Variants in NRG1 observed in about 807,000 individuals in gnomAD.
The protein encoded by NRG1 is neuregulin 1, also known as pro-neuregulin-1, membrane-bound isoform.
In NRG1, 18 loss-of-function variants were observed where a neutral mutation model predicts 63.8. The ratio of observed to expected loss-of-function variants is 0.28; its 90% CI spans 0.19 to 0.42. NRG1 has a LOEUF of 0.42. NRG1 is among the 10% of genes least tolerant of loss of function. The probability of loss-of-function intolerance (pLI) is 1.00; values close to 1 mark genes in which losing one functional copy is unlikely to be tolerated. For missense variants in NRG1, 762 were observed against 814.7 expected, an observed-to-expected ratio of 0.94 and a Z score of 0.79; for synonymous variants, 302 against 301.3, an observed-to-expected ratio of 1.00 and a Z score of -0.02.
chr8:32,061,092 A>T (rs1449834956), intron 1 of NRG1, among the ~76,000 whole-genome samples: 1 of 151,952 alleles, frequency 6.6e-6, no homozygotes, highest in African/African-American at 2.4e-5. Context: ...TTTATATATA[A>T]TTAAGTTTTG....
intron 1 of NRG1, among the ~76,000 whole-genome samples, chr8:32,098,194 G>T (rs1201848647): frequency 2.0e-5 from 3 of 152,192 alleles, no homozygotes; most frequent in African/African-American, 7.2e-5. Context: ...TTAAAGAGAA[G>T]AAAGAAGAAC....
intron 1 of NRG1, among the ~76,000 whole-genome samples, chr8:32,431,710 G>A (rs115665059): frequency 0.015 from 2,290 of 151,504 alleles, 50 homozygotes; most frequent in African/African-American, 0.053. Context: ...ATTTAGTTGT[G>A]TATTGATAGT....
At chr8:31,875,285 G>T (rs143228871) in intron 1 of NRG1, among the ~76,000 whole-genome samples, 1 of 152,174 alleles carries the variant, frequency 6.6e-6, no homozygotes, top group Non-Finnish European at 1.5e-5. Flanking sequence ...TCTCCGAATT[G>T]AGTTCATTAA....
intron 5 of NRG1, among the ~76,000 whole-genome samples, chr8:32,632,296 T>C (rs1462372776): frequency 6.6e-6 from 1 of 152,174 alleles, no homozygotes; most frequent in African/African-American, 2.4e-5. Context: ...CTCACACCTG[T>C]AATCCCAGCA....
intron 1 of NRG1, among the ~76,000 whole-genome samples, chr8:32,027,898 G>T (rs986024584): frequency 2.0e-5 from 3 of 152,024 alleles, no homozygotes; most frequent in African/African-American, 7.2e-5. Flanking sequence ...TTTCATTCCG[G>T]GTAGGAGCAG....
intron 1 of NRG1, among the ~76,000 whole-genome samples, chr8:31,967,565 A>G (rs1055884890): frequency 6.6e-6 from 1 of 152,214 alleles, no homozygotes; most frequent in Admixed American, 6.5e-5. Context: ...CCATAAATCC[A>G]AGCAAGACAA....
At chr8:32,557,367 C>T (rs1214230530) in intron 1 of NRG1, among the ~76,000 whole-genome samples, 1 of 152,154 alleles carries the variant, frequency 6.6e-6, no homozygotes, top group East Asian at 1.9e-4. Context: ...GGTATTTTAT[C>T]TCTTTTCTGC....
At chr8:32,344,384 C>CTTTCTTTTTT (rs1554513723) in intron 1 of NRG1, among the ~76,000 whole-genome samples, 3 of 69,468 alleles carry the variant, frequency 4.3e-5, no homozygotes, top group Non-Finnish European at 8.0e-5. Flanking sequence ...CTTTCTTTCT[C>CTTTCTTTTTT]TTTCTTTCTT....
chr8:32,162,281 T>A (rs939610973), intron 1 of NRG1, among the ~76,000 whole-genome samples: 1 of 152,188 alleles, frequency 6.6e-6, no homozygotes, highest in Non-Finnish European at 1.5e-5. Flanking sequence ...GGCAGCCAAA[T>A]GTATACCTAA....
intron 5 of NRG1, chr8:32,647,846 T>G: frequency 1.2e-6 from 2 of 1,613,984 alleles, no homozygotes; most frequent in Non-Finnish European, 1.7e-6. Flanking sequence ...AGCCCCAGAC[T>G]GAAGATGGGA....
intron 1 of NRG1, among the ~76,000 whole-genome samples, chr8:31,959,451 T>C (rs1054212595): frequency 6.6e-6 from 1 of 152,138 alleles, no homozygotes; most frequent in Non-Finnish European, 1.5e-5. Flanking sequence ...CAATCCTGTC[T>C]GTGGTTCAGC....
At chr8:31,742,973 T>A (rs755022618) in intron 1 of NRG1, among the ~76,000 whole-genome samples, 1 of 151,980 alleles carries the variant, frequency 6.6e-6, no homozygotes, top group Non-Finnish European at 1.5e-5. Context: ...TTTTTTTCAA[T>A]AGCTAGCCAT....
intron 1 of NRG1, among the ~76,000 whole-genome samples, chr8:32,283,892 T>A (rs950139894): frequency 4.6e-5 from 7 of 152,136 alleles, no homozygotes; most frequent in Non-Finnish European, 7.3e-5. Flanking sequence ...TTAGAAAAAA[T>A]TCCATCACAG....
intron 1 of NRG1, among the ~76,000 whole-genome samples, chr8:32,355,684 G>A (rs1315369994): frequency 6.6e-6 from 1 of 151,190 alleles, no homozygotes; most frequent in Non-Finnish European, 1.5e-5. Context: ...AAAAAACTGA[G>A]TAAAAAAATT....
intron 1 of NRG1, among the ~76,000 whole-genome samples, chr8:32,044,576 T>G (rs1050719055): frequency 6.6e-6 from 1 of 151,804 alleles, no homozygotes; most frequent in African/African-American, 2.4e-5. Context: ...AACAAATTTA[T>G]GGCAAGTTCA....
intron 1 of NRG1, among the ~76,000 whole-genome samples, chr8:32,405,786 T>A (rs1587422377): frequency 1.3e-5 from 2 of 150,354 alleles, no homozygotes; most frequent in East Asian, 3.9e-4. Flanking sequence ...AATATCATTT[T>A]GAATTTAGTG....
intron 2 of NRG1, among the ~76,000 whole-genome samples, chr8:32,602,578 C>G (rs1844568791): frequency 6.6e-6 from 1 of 152,064 alleles, no homozygotes; most frequent in Non-Finnish European, 1.5e-5. Context: ...TTGTTGTAAT[C>G]TTATCTCAGA....
chr8:32,383,101 C>T (rs987646911), intron 1 of NRG1, among the ~76,000 whole-genome samples: 1 of 151,784 alleles, frequency 6.6e-6, no homozygotes, highest in Non-Finnish European at 1.5e-5. Context: ...TGGCACATGC[C>T]TGTAGTCACA....
chr8:32,510,776 A>C (rs1034158576), intron 1 of NRG1, among the ~76,000 whole-genome samples: 1 of 152,080 alleles, frequency 6.6e-6, no homozygotes, highest in African/African-American at 2.4e-5. Context: ...AGTAATCCGG[A>C]AGATGGCTCC....
Sources: allele counts gnomAD v4.1 joint callset (sites outside exome capture counted in the v4.1 genomes callset), GRCh38; gene constraint gnomAD v4.1.1; transcripts MANE v1.5; gene names NCBI Gene and HGNC (gene_info 2026-07-23, HGNC 2026-07-21).